ANKS1B: variants seen among roughly 807,000 people sequenced by gnomAD.
ANKS1B encodes the protein ankyrin repeat and sterile alpha motif domain-containing protein 1B.
A neutral mutation model predicts 148.3 loss-of-function variants in ANKS1B; 36 were observed. That is an observed-to-expected ratio of 0.24 (90% CI 0.19 to 0.32). The LOEUF is 0.32. Among genes scored for constraint, ANKS1B ranks in the 10% least tolerant of loss-of-function variants. The probability of loss-of-function intolerance (pLI) is 1.00; values close to 1 mark genes in which losing one functional copy is unlikely to be tolerated. For synonymous variants in ANKS1B, 542 were observed against 560.8 expected, an observed-to-expected ratio of 0.97 and a Z score of 0.47; for missense variants, 1,157 against 1,542.6, an observed-to-expected ratio of 0.75 and a Z score of 4.19.
chr12:98,973,700 G>T (rs1246593171), intron 17 of ANKS1B, among the ~76,000 whole-genome samples: 1 of 152,052 alleles, frequency 6.6e-6, no homozygotes, highest in Non-Finnish European at 1.5e-5. Flanking sequence ...CCGTGCTTGT[G>T]TCTAAGTAAC....
chr12:99,076,852 G>T (rs1244846325), intron 16 of ANKS1B, among the ~76,000 whole-genome samples: 19 of 151,862 alleles, frequency 1.3e-4, no homozygotes, highest in Admixed American at 1.1e-3. Context: ...AAAGTTATTT[G>T]GAACACAGCC....
intron 1 of ANKS1B, among the ~76,000 whole-genome samples, chr12:99,850,281 G>GTATCTCTCTCTCTCTC (rs2087501614): frequency 8.8e-6 from 1 of 114,206 alleles, no homozygotes. Context: ...AAGCAAGAAA[G>GTATCTCTCTCTCTCTC]TCTCTCTCTC....
At chr12:99,425,048 C>G (rs1331560315) in intron 11 of ANKS1B, among the ~76,000 whole-genome samples, 4 of 151,904 alleles carry the variant, frequency 2.6e-5, no homozygotes, top group African/African-American at 9.7e-5. Flanking sequence ...ACGAGGCACC[C>G]CTGGAGTCTC....
At chr12:99,562,274 G>C (rs1342835898) in intron 9 of ANKS1B, among the ~76,000 whole-genome samples, 17 of 152,118 alleles carry the variant, frequency 1.1e-4, no homozygotes, top group Non-Finnish European at 1.0e-4. Context: ...TAGTTCTTAA[G>C]GGCCCTATGA....
intron 1 of ANKS1B, among the ~76,000 whole-genome samples, chr12:99,952,616 T>C (rs1279866947): frequency 1.3e-5 from 2 of 152,164 alleles, no homozygotes; most frequent in African/African-American, 4.8e-5. Context: ...GAGAAAGGTA[T>C]CTGGGTGATC....
At chr12:99,322,559 A>G (rs2085496022) in intron 12 of ANKS1B, among the ~76,000 whole-genome samples, 1 of 152,148 alleles carries the variant, frequency 6.6e-6, no homozygotes, top group African/African-American at 2.4e-5. Flanking sequence ...AACAAAACAA[A>G]AAACAATATT....
rs1255077438 is a variant in ANKS1B at position 99,334,189 on chromosome 12, GATAC to G, written c.1756+65438_1756+65441del. ...AGACAGACAGACAGACAGATAGATA[GATAC>G]ATAGATACATAGATACATAGATACA... On this transcript the variant is annotated intron_variant, in intron 12 of 26. Coordinates refer to ENST00000683438, the MANE Select transcript of ANKS1B (RefSeq NM_001352186.2). Among the ~76,000 whole-genome samples the G allele has an allele frequency of 1.9e-3, 241 of 126,110 alleles. 1 individual carries two copies. The highest frequency in any genetic ancestry group is 9.3e-3 in the African/African-American group (226 of 24,312). 82.7% of individuals were successfully genotyped at this position (126,110 alleles called of 152,430 possible).
At chr12:99,679,670 T>C (rs2098603039) in intron 8 of ANKS1B, among the ~76,000 whole-genome samples, 1 of 152,126 alleles carries the variant, frequency 6.6e-6, no homozygotes, top group South Asian at 2.1e-4. Flanking sequence ...AAAGCAGATA[T>C]TTTCAAATAA....
intron 9 of ANKS1B, among the ~76,000 whole-genome samples, chr12:99,528,422 A>T: frequency 8.1e-6 from 1 of 123,376 alleles, no homozygotes; most frequent in East Asian, 2.4e-4. Flanking sequence ...AAACAGAACA[A>T]AAACAAAAAC....
At chr12:99,827,359 G>C (rs2083333381) in intron 1 of ANKS1B, among the ~76,000 whole-genome samples, 2 of 151,840 alleles carry the variant, frequency 1.3e-5, no homozygotes, top group South Asian at 4.2e-4. Flanking sequence ...AATATACAGA[G>C]ATAGAGAACA....
chr12:99,857,459 C>T lies in ANKS1B; in HGVS notation c.135-32070G>A, dbSNP rs192288532. On this transcript the variant is annotated intron_variant, in intron 1 of 26. Transcript: ENST00000683438. The stretch of plus-strand genomic sequence containing the variant: ...AATCAATATTGTGAAAATGACCATA[C>T]GGCCAATAGCAATCTACAAATTCAG... 2.1e-3 allele frequency among the ~76,000 whole-genome samples: 313 copies of T among 152,168 alleles called. 3 individuals are homozygous for T. Among genetic ancestry groups the T allele is most frequent in the African/African-American group, 7.2e-3 (300 of 41,528 alleles).
At chr12:99,318,487 T>C (rs140691291) in intron 12 of ANKS1B, among the ~76,000 whole-genome samples, 4 of 152,304 alleles carry the variant, frequency 2.6e-5, no homozygotes, top group Non-Finnish European at 5.9e-5. Context: ...GGGTAGTTTG[T>C]ATGTATTTCT....
At chr12:99,023,780 T>C (rs548599054) in intron 17 of ANKS1B, among the ~76,000 whole-genome samples, 12 of 150,858 alleles carry the variant, frequency 8.0e-5, no homozygotes, top group African/African-American at 2.9e-4. Context: ...TCTCTGTGAA[T>C]ATGCACACAC....
chr12:99,867,321 G>A (rs1392672651), intron 1 of ANKS1B, among the ~76,000 whole-genome samples: 1 of 151,934 alleles, frequency 6.6e-6, no homozygotes, highest in Non-Finnish European at 1.5e-5. Flanking sequence ...ACAACTTTTT[G>A]TACTAGACTT....
chr12:99,086,566 C>T (rs1051174869), intron 15 of ANKS1B, among the ~76,000 whole-genome samples: 1 of 152,118 alleles, frequency 6.6e-6, no homozygotes, highest in African/African-American at 2.4e-5. Context: ...GGCTGGGCCT[C>T]AGTTTCCCTA....
chr12:98,800,779 C>T (rs375613592), intron 21 of ANKS1B, among the ~76,000 whole-genome samples: 1 of 150,674 alleles, frequency 6.6e-6, no homozygotes, highest in Admixed American at 6.6e-5. Context: ...CACAACAGAC[C>T]TTAAACTTAC....
At position 99,723,461 on chromosome 12, in the gene ANKS1B, C is replaced by T. The variant is rs565038590; in HGVS notation, c.1128+49461G>A. On this transcript the variant is annotated intron_variant, in intron 8 of 26. Coordinates refer to ENST00000683438, the MANE Select transcript of ANKS1B (RefSeq NM_001352186.2). ...GGCCTCCCTGCAGGAACTCCAACTC[C>T]AGGCAGGGGCTCAGGCACAAAGCTC... Among the ~76,000 whole-genome samples the T allele has an allele frequency of 3.3e-5, 5 of 152,250 alleles. No homozygotes were observed. In the South Asian group the frequency reaches 1.0e-3, roughly 32 times the overall value.
chr12:99,922,369 C>T (rs2094379792), intron 1 of ANKS1B, among the ~76,000 whole-genome samples: 1 of 151,870 alleles, frequency 6.6e-6, no homozygotes, highest in Admixed American at 6.6e-5. Flanking sequence ...AAATTTTTTG[C>T]AAGACTCAAT....
chr12:99,627,877 G>A (rs767335322), intron 9 of ANKS1B, among the ~76,000 whole-genome samples: 40 of 152,164 alleles, frequency 2.6e-4, no homozygotes, highest in Non-Finnish European at 5.1e-4. Context: ...GGACCTTAAA[G>A]TTTATAAAAT....
Sources: allele counts gnomAD v4.1 joint callset (sites outside exome capture counted in the v4.1 genomes callset), GRCh38; gene constraint gnomAD v4.1.1; transcripts MANE v1.5; gene names NCBI Gene and HGNC (gene_info 2026-07-23, HGNC 2026-07-21).